The following CRPPA variants were observed in gnomAD, a reference collection of about 807,000 sequenced individuals.
The protein encoded by CRPPA is D-ribitol-5-phosphate cytidylyltransferase.
Under a neutral mutation model 52.0 loss-of-function variants are expected in CRPPA, and 43 were observed. The observed-to-expected ratio is 0.83, with a 90% CI of 0.65 to 1.07. The LOEUF is 1.07. Ranked by LOEUF, CRPPA falls within the 50% of genes least tolerant of loss-of-function variation. CRPPA has a pLI of 0.00. For missense variants in CRPPA, 629 were observed against 551.7 expected, an observed-to-expected ratio of 1.14 and a Z score of -1.40; for synonymous variants, 250 against 203.5, an observed-to-expected ratio of 1.23 and a Z score of -1.94.
chr7:16,102,027 G>A (rs1043313916), intron 9 of CRPPA, among the ~76,000 whole-genome samples: 5 of 152,094 alleles, frequency 3.3e-5, no homozygotes, highest in Non-Finnish European at 7.4e-5. Context: ...GAACAAAGCT[G>A]GAGGCATCAT....
intron 5 of CRPPA, among the ~76,000 whole-genome samples, chr7:16,286,064 T>TAATATTAAAAA (rs1562608511): frequency 3.4e-5 from 1 of 29,770 alleles, no homozygotes; most frequent in African/African-American, 2.1e-4. Context: ...TATATATATA[T>TAATATTAAAAA]ATATATATAT....
intron 5 of CRPPA, among the ~76,000 whole-genome samples, chr7:16,292,227 G>A (rs1784578403): frequency 1.3e-5 from 2 of 151,814 alleles, no homozygotes; most frequent in Non-Finnish European, 2.9e-5. Flanking sequence ...CTGCTTCACT[G>A]GTCCACAATG....
At chr7:16,142,795 A>G (rs1259217966) in intron 9 of CRPPA, among the ~76,000 whole-genome samples, 1 of 152,224 alleles carries the variant, frequency 6.6e-6, no homozygotes, top group East Asian at 1.9e-4. Context: ...TTAGAACACT[A>G]ATGCGTTATA....
intron 3 of CRPPA, among the ~76,000 whole-genome samples, chr7:16,319,129 A>G (rs1785204848): frequency 1.3e-5 from 2 of 152,126 alleles, no homozygotes; most frequent in African/African-American, 4.8e-5. Flanking sequence ...GCTGAGTCAT[A>G]TATTATTAAA....
intron 9 of CRPPA, among the ~76,000 whole-genome samples, chr7:16,116,150 CA>C (rs978083245): frequency 6.6e-6 from 1 of 151,962 alleles, no homozygotes; most frequent in Non-Finnish European, 1.5e-5. Context: ...TGGAGAAACC[CA>C]GCAGATGCCA....
chr7:16,214,585 G>T (rs900856850), intron 9 of CRPPA, among the ~76,000 whole-genome samples: 2 of 151,826 alleles, frequency 1.3e-5, no homozygotes, highest in Admixed American at 6.6e-5. Context: ...TGCAACCTCC[G>T]CCTCCGCCTC....
intron 9 of CRPPA, among the ~76,000 whole-genome samples, chr7:16,148,697 G>A (rs1783019741): frequency 6.6e-6 from 1 of 152,058 alleles, no homozygotes; most frequent in South Asian, 2.1e-4. Context: ...CAACTAGATG[G>A]GAGAATGAGT....
At chr7:16,241,320 T>A (rs551985370) in intron 8 of CRPPA, among the ~76,000 whole-genome samples, 11 of 152,292 alleles carry the variant, frequency 7.2e-5, no homozygotes, top group African/African-American at 2.6e-4. Flanking sequence ...CTTTTGAAGG[T>A]TATGTTTCTC....
intron 2 of CRPPA, among the ~76,000 whole-genome samples, chr7:16,398,373 G>C (rs564817469): frequency 8.8e-6 from 1 of 114,202 alleles, no homozygotes; most frequent in East Asian, 2.8e-4. Flanking sequence ...GCAAGACCAG[G>C]GCATGATTGA....
chr7:16,380,190 T>C (rs1787039924), intron 2 of CRPPA, among the ~76,000 whole-genome samples: 1 of 151,472 alleles, frequency 6.6e-6, no homozygotes, highest in Non-Finnish European at 1.5e-5. Flanking sequence ...TTGAGAGTTT[T>C]TAGCATGAAG....
intron 9 of CRPPA, among the ~76,000 whole-genome samples, chr7:16,193,401 T>C (rs1781657420): frequency 6.6e-6 from 1 of 152,116 alleles, no homozygotes; most frequent in Non-Finnish European, 1.5e-5. Context: ...TAGTTAACTA[T>C]GGGACTTTTT....
intron 9 of CRPPA, among the ~76,000 whole-genome samples, chr7:16,120,286 C>T (rs1481657837): frequency 1.3e-5 from 2 of 152,106 alleles, no homozygotes; most frequent in Non-Finnish European, 2.9e-5. Flanking sequence ...CCCTCAATGT[C>T]TTATCAACCT....
chr7:16,418,568 G>C (rs939017388), intron 1 of CRPPA, among the ~76,000 whole-genome samples: 1 of 152,134 alleles, frequency 6.6e-6, no homozygotes, highest in South Asian at 2.1e-4. Context: ...GAAGGGAAAG[G>C]AAGGTGCCTT....
rs555377436 is a variant in CRPPA at position 16,137,241 on chromosome 7, G to A, written c.1252-45442C>T. On this transcript the variant is annotated intron_variant, in intron 9 of 9. Transcript: ENST00000407010. ...ATCTTCCATGTGAGTAAATAGGCAG[G>A]AGCCACTGTCTATGAACCAGGAATC... Among the ~76,000 whole-genome samples the A allele has an allele frequency of 2.9e-3, 448 of 152,296 alleles. 3 individuals carry two copies. Among genetic ancestry groups the A allele is most frequent in the African/African-American group, 0.01 (430 of 41,552 alleles).
At position 16,401,767 on chromosome 7, in the gene CRPPA, C is replaced by T. The variant is rs185986793; in HGVS notation, c.534+4294G>A. ...GCCACTTCTTTATCTGACTTAATTA[C>T]GCAGAAATATACAAGTCCTTCTGAC... On this transcript the variant is annotated intron_variant, in intron 2 of 9. Coordinates refer to ENST00000407010, the MANE Select transcript of CRPPA (RefSeq NM_001101426.4). 7.9e-5 allele frequency among the ~76,000 whole-genome samples: 12 copies of T among 152,206 alleles called. No individual in the cohort carries two copies. In the East Asian group the frequency reaches 1.9e-3, roughly 24 times the overall value.
intron 9 of CRPPA, chr7:16,209,104 C>T: frequency 2.8e-6 from 1 of 356,780 alleles, no homozygotes; most frequent in Admixed American, 3.0e-5. Context: ...GCAGACTAAG[C>T]CAATTATCCA....
Position 16,089,439 on chromosome 7 carries a change from A to C in CRPPA, c.*2256T>G, listed in dbSNP as rs1386723611. ...TACGTACATACATATATGTGTATAT[A>C]TGTACGTGCATACATATATGTGTAT... On this transcript the variant is annotated 3_prime_UTR_variant, in exon 10 of 10. Coordinates refer to ENST00000407010, the MANE Select transcript of CRPPA (RefSeq NM_001101426.4). 2.9e-6 allele frequency: 1 copy of C among 348,986 alleles called. No homozygotes were observed. The highest frequency in any genetic ancestry group is 2.1e-5 in the African/African-American group (1 of 48,176). 21.6% of individuals were successfully genotyped at this position (348,986 alleles called of 1,614,324 possible).
chr7:16,182,603 G>A (rs893724567), intron 9 of CRPPA, among the ~76,000 whole-genome samples: 16 of 149,512 alleles, frequency 1.1e-4, no homozygotes, highest in Non-Finnish European at 2.1e-4. Flanking sequence ...TCTGTACAGA[G>A]CATCTACACA....
intron 2 of CRPPA, among the ~76,000 whole-genome samples, chr7:16,402,739 G>C (rs1267645361): frequency 1.3e-5 from 2 of 151,816 alleles, no homozygotes; most frequent in Non-Finnish European, 2.9e-5. Context: ...AGTTACCTAG[G>C]ATGCAGCATA....
Sources: allele counts gnomAD v4.1 joint callset (sites outside exome capture counted in the v4.1 genomes callset), GRCh38; gene constraint gnomAD v4.1.1; transcripts MANE v1.5; gene names NCBI Gene and HGNC (gene_info 2026-07-23, HGNC 2026-07-21).